NDUFB3: variants seen among roughly 807,000 people sequenced by gnomAD.
NDUFB3 encodes NADH dehydrogenase [ubiquinone] 1 beta subcomplex subunit 3.
A neutral mutation model predicts 9.0 loss-of-function variants in NDUFB3; 7 were observed. The ratio of observed to expected loss-of-function variants is 0.78; its 90% CI spans 0.44 to 1.46. NDUFB3 has a LOEUF of 1.46. Among genes scored for constraint, NDUFB3 ranks in the 40% most tolerant of loss-of-function variants. The pLI is 0.01. For missense variants in NDUFB3, 93 were observed against 115.4 expected (o/e 0.81, Z 0.89); for synonymous variants, 29 against 38.5 (o/e 0.75, Z 0.91).
chr2:201,074,838 A>C (rs1281419888), intron 1 of NDUFB3, among the ~76,000 whole-genome samples: 1 of 152,320 alleles, frequency 6.6e-6, no homozygotes, highest in East Asian at 1.9e-4. Flanking sequence ...TGAAAGTAGA[A>C]GGCACATCAC....
chr2:201,079,952 C>T lies in NDUFB3; in HGVS notation c.140+930C>T, dbSNP rs184251672. The stretch of plus-strand genomic sequence containing the variant: ...TAAGGTTTGCAAATGTTTTTTCTCA[C>T]AGTGTGGCTTATCTTTTTATTTTCT... On this transcript the variant is annotated intron_variant, in intron 2 of 2. Transcript: ENST00000237889. The T allele has an allele frequency of 6.6e-5, 10 of 152,222 alleles. No individual in the cohort carries two copies. In the East Asian group the frequency reaches 1.9e-3, roughly 29 times the overall value. The allele number at this position is 152,222 out of a possible 1,614,324, so 9.4% of individuals were successfully genotyped here. A position where few individuals can be genotyped will look rare whatever the true frequency, so the allele number is the denominator to read the frequency against.
intron 2 of NDUFB3, 115 bp downstream of exon 2, chr2:201,079,137 GT>G (rs1471280863): frequency 1.0e-4 from 119 of 1,181,022 alleles, no homozygotes; most frequent in Middle Eastern, 2.6e-4. Context: ...ACTTTAAAGG[GT>G]TTTTTTTGGT....
chr2:201,082,187 C>G (rs1002445498), intron 2 of NDUFB3, among the ~76,000 whole-genome samples: 2 of 152,016 alleles, frequency 1.3e-5, no homozygotes, highest in African/African-American at 4.8e-5. Context: ...CTCATGACCT[C>G]AAGTGATCCG....
chr2:201,080,686 A>G (rs561868599), intron 2 of NDUFB3, among the ~76,000 whole-genome samples: 36 of 150,130 alleles, frequency 2.4e-4, no homozygotes, highest in African/African-American at 8.6e-4. Context: ...ATTACATAGC[A>G]TAAGATCTCC....
chr2:201,075,086 C>T lies in NDUFB3; in HGVS notation c.-3+3027C>T, dbSNP rs114768765. On this transcript the variant is annotated intron_variant, in intron 1 of 2. Coordinates refer to ENST00000237889, the MANE Select transcript of NDUFB3 (RefSeq NM_002491.3). ...ATGGGCCAGGTGCCATGGCTCACGC[C>T]TGTAGTCCCAATATTTTAGGAGGCC... Among the ~76,000 whole-genome samples, 1,076 of 150,914 alleles carry T rather than the reference C, an allele frequency of 7.1e-3. 9 individuals carry two copies. Among genetic ancestry groups the T allele is most frequent in the African/African-American group, 0.025 (1,019 of 41,084 alleles).
At position 201,085,728 on chromosome 2, in the gene NDUFB3, A is replaced by T. The variant is rs1029189116; in HGVS notation, c.*113A>T. 2 of 764,618 alleles carry T rather than the reference A, an allele frequency of 2.6e-6. No individual in the cohort carries two copies. Among genetic ancestry groups the T allele is most frequent in the South Asian group, 2.9e-5 (1 of 34,294 alleles). 47.4% of individuals were successfully genotyped at this position (764,618 alleles called of 1,614,324 possible). ...ACAGAATATTAGTAAGATTTAATCA[A>T]TTAAAATATATATATATGCCAATCT... On this transcript the variant is annotated 3_prime_UTR_variant, in exon 3 of 3. Transcript: ENST00000237889.
chr2:201,074,412 C>CT (rs2047136513), intron 1 of NDUFB3, among the ~76,000 whole-genome samples: 1 of 149,806 alleles, frequency 6.7e-6, no homozygotes, highest in Non-Finnish European at 1.5e-5. Flanking sequence ...AATATATGTA[C>CT]TAGGAGTGGA....
rs1260601549 is a variant in NDUFB3, at chr2:201,072,068, G to A, written c.-3+9G>A. 1 of 152,222 alleles carries A rather than the reference G, an allele frequency of 6.6e-6. No individual in the cohort carries two copies. Among genetic ancestry groups the A allele is most frequent in the East Asian group, 1.9e-4 (1 of 5,192 alleles). 9.4% of individuals were successfully genotyped at this position (152,222 alleles called of 1,614,324 possible). On this transcript the variant is annotated intron_variant, in intron 1 of 2. Transcript: ENST00000237889. Reference sequence around the variant, plus strand: ...GGTCAGATTGCTGTCAGGTAAATTAGGGAGTTGGTGGGAGGCCCGTTGATT... The same window carrying A: ...GGTCAGATTGCTGTCAGGTAAATTAAGGAGTTGGTGGGAGGCCCGTTGATT...
At position 201,080,893 on chromosome 2, in the gene NDUFB3, C is replaced by T. The variant is rs542049164; in HGVS notation, c.140+1871C>T. On this transcript the variant is annotated intron_variant, in intron 2 of 2. Coordinates refer to ENST00000237889, the MANE Select transcript of NDUFB3 (RefSeq NM_002491.3). ...TAATTTTTTGTATTTTTAGTAGAGA[C>T]GGGGTTTCACCGTGTTAGCCAGGAT... Among the ~76,000 whole-genome samples, 296 of 151,266 alleles carry T rather than the reference C, an allele frequency of 2.0e-3. 1 individual carries two copies. Among genetic ancestry groups the T allele is most frequent in the Non-Finnish European group, 3.3e-3 (223 of 67,794 alleles).
At chr2:201,083,458 G>A (rs1432291034) in intron 2 of NDUFB3, among the ~76,000 whole-genome samples, 1 of 150,072 alleles carries the variant, frequency 6.7e-6, no homozygotes, top group African/African-American at 2.5e-5. Context: ...AGGTTCAAGC[G>A]ATTCTCCTGC....
At chr2:201,080,699 C>CTTTTTTTT (rs58130221) in intron 2 of NDUFB3, among the ~76,000 whole-genome samples, 1 of 99,010 alleles carries the variant, frequency 1.0e-5, no homozygotes, top group Non-Finnish European at 1.9e-5. Flanking sequence ...AGATCTCCAA[C>CTTTTTTTT]TTTTTTTTTT....
chr2:201,080,560 A>G (rs1415840088), intron 2 of NDUFB3, among the ~76,000 whole-genome samples: 1 of 151,938 alleles, frequency 6.6e-6, no homozygotes, highest in Non-Finnish European at 1.5e-5. Context: ...ACAGAGAGAG[A>G]CCTTGCCTCA....
intron 1 of NDUFB3, among the ~76,000 whole-genome samples, chr2:201,076,486 T>A (rs1268054564): frequency 1.2e-5 from 1 of 83,812 alleles, no homozygotes; most frequent in Non-Finnish European, 2.4e-5. Flanking sequence ...TATCTTTAAA[T>A]ATATATATAT....
chr2:201,082,533 G>T (rs943978287), intron 2 of NDUFB3, among the ~76,000 whole-genome samples: 1 of 151,934 alleles, frequency 6.6e-6, no homozygotes, highest in Non-Finnish European at 1.5e-5. Context: ...TCAGAGTGCT[G>T]GAATTACAGA....
rs554184242 is a variant in NDUFB3, at chr2:201,073,534, C to T, written c.-3+1475C>T. On this transcript the variant is annotated intron_variant, in intron 1 of 2. Coordinates refer to ENST00000237889, the MANE Select transcript of NDUFB3 (RefSeq NM_002491.3). ...CTGTAATCCCAACACTTTGGGTGGC[C>T]GAGGCAGGCGGATAATGAGGTCCAG... is the stretch of plus-strand genomic sequence containing the variant. Among the ~76,000 whole-genome samples the T allele has an allele frequency of 4.6e-4, 70 of 152,116 alleles. No individual in the cohort carries two copies. The Middle Eastern group carries it at 0.017, about 37-fold the overall frequency.
chr2:201,083,064 T>C (rs1397419513), intron 2 of NDUFB3, among the ~76,000 whole-genome samples: 1 of 152,216 alleles, frequency 6.6e-6, no homozygotes, highest in South Asian at 2.1e-4. Context: ...TTTCTTAGAA[T>C]GTTCTTCATA....
chr2:201,072,098 T>G (rs926442830), intron 1 of NDUFB3, 39 bp downstream of exon 1: 1 of 152,320 alleles, frequency 6.6e-6, no homozygotes, highest in East Asian at 1.9e-4. Flanking sequence ...TTGATTAGGA[T>G]TAAGAGCTAG....
Position 201,085,712 on chromosome 2 carries a change from T to C in NDUFB3, c.*97T>C. 1 of 965,710 alleles carries C rather than the reference T, an allele frequency of 1.0e-6. No homozygotes were observed. The highest frequency in any genetic ancestry group is 1.5e-6 in the Non-Finnish European group (1 of 679,424). 59.8% of individuals were successfully genotyped at this position (965,710 alleles called of 1,614,324 possible). On this transcript the variant is annotated 3_prime_UTR_variant, in exon 3 of 3. Coordinates refer to ENST00000237889, the MANE Select transcript of NDUFB3 (RefSeq NM_002491.3). ...GTCTGGTTTATCCCTTACAGAATAT[T>C]AGTAAGATTTAATCAATTAAAATAT...
chr2:201,077,656 C>CA (rs1304795051), intron 1 of NDUFB3, among the ~76,000 whole-genome samples: 1 of 152,178 alleles, frequency 6.6e-6, no homozygotes, highest in South Asian at 2.1e-4. Flanking sequence ...ATGTTACCCC[C>CA]AAAAGGGGAG....
Sources: gnomAD v4.1 joint callset for allele counts (sites outside exome capture counted in the v4.1 genomes callset) on GRCh38, gnomAD v4.1.1 for gene constraint, MANE v1.5 for transcripts, NCBI Gene and HGNC (gene_info 2026-07-23, HGNC 2026-07-21) for gene names.